Variants in KALRN observed in about 807,000 individuals in gnomAD.
KALRN encodes the protein kalirin RhoGEF kinase, also known as kalirin.
KALRN carries 70 observed loss-of-function variants against 353.7 expected under a neutral mutation model. That is an observed-to-expected ratio of 0.20 (90% CI 0.16 to 0.24). The LOEUF is 0.24. Ranked by LOEUF, KALRN falls within the 10% of genes least tolerant of loss-of-function variation. The pLI is 1.00. For synonymous variants in KALRN, 1,391 were observed against 1,434.8 expected, an observed-to-expected ratio of 0.97 and a Z score of 0.69; for missense variants, 2,791 against 3,756.7, an observed-to-expected ratio of 0.74 and a Z score of 6.72.
At chr3:124,524,962 A>G (rs2109058112) in intron 33 of KALRN, among the ~76,000 whole-genome samples, 1 of 152,342 alleles carries the variant, frequency 6.6e-6, no homozygotes, top group South Asian at 2.1e-4. Context: ...TCAGCCTCTG[A>G]CCACTCTTTT....
Position 124,719,462 on chromosome 3 carries a change from G to A in KALRN, c.8953G>A (p.Gly2985Arg). 6.2e-7 allele frequency: 1 copy of A among 1,612,170 alleles called. No homozygotes were observed. Among genetic ancestry groups the A allele is most frequent in the Non-Finnish European group, 8.5e-7 (1 of 1,178,720 alleles). Residue 2985 changes from glycine (G) to arginine (R), a missense_variant, in exon 60 of 60, where the codon GGG becomes AGG. Physicochemically the swap from Gly to Arg is moderately radical, Grantham distance 125. This residue lies in a region of KALRN where 32 missense variants were observed against 27.4 expected (regional missense o/e 1.17). Transcript: ENST00000682506. The surrounding 1 kb of genome is among the most constrained non-coding windows in gnomAD (Gnocchi z 5.3). ...CTACATTGTCAACCGGGTGAACCAA[G>A]GGACGTAGCCATCTCCCAGCCCCTA... is the stretch of plus-strand genomic sequence containing the variant. Reference protein sequence around the residue: ...KSYIVNRVNQGT With the variant: ...KSYIVNRVNQRT
intron 5 of KALRN, among the ~76,000 whole-genome samples, chr3:124,272,470 A>C (rs1055438245): frequency 6.6e-6 from 1 of 152,152 alleles, no homozygotes; most frequent in Non-Finnish European, 1.5e-5. Context: ...CAAATATATG[A>C]TCCCTGAATT....
At chr3:124,340,681 G>A (rs1452289372) in intron 9 of KALRN, among the ~76,000 whole-genome samples, 2 of 151,984 alleles carry the variant, frequency 1.3e-5, no homozygotes, top group East Asian at 1.9e-4. Context: ...CCAGCTGGGC[G>A]TGGTGGCTCA....
At chr3:124,241,641 T>G (rs1230599746) in intron 3 of KALRN, among the ~76,000 whole-genome samples, 1 of 152,222 alleles carries the variant, frequency 6.6e-6, no homozygotes, top group Non-Finnish European at 1.5e-5. Flanking sequence ...AGGTACACAG[T>G]AGATTCCATA....
At chr3:124,226,951 C>A (rs1230686825) in intron 1 of KALRN, among the ~76,000 whole-genome samples, 2 of 152,112 alleles carry the variant, frequency 1.3e-5, no homozygotes, top group Admixed American at 1.3e-4. Context: ...CTAATGGCGA[C>A]ACATAACAGA....
intron 10 of KALRN, among the ~76,000 whole-genome samples, chr3:124,369,537 T>C (rs572460300): frequency 1.3e-5 from 2 of 152,354 alleles, no homozygotes; most frequent in East Asian, 3.9e-4. Context: ...ATATATACAT[T>C]GAAGAATAAT....
At chr3:124,290,480 A>G (rs1034975775) in intron 5 of KALRN, among the ~76,000 whole-genome samples, 2 of 152,188 alleles carry the variant, frequency 1.3e-5, no homozygotes, top group Admixed American at 1.3e-4. Context: ...TAGGGGCAGA[A>G]CACACTTCTG....
intron 11 of KALRN, among the ~76,000 whole-genome samples, chr3:124,386,001 G>A (rs2088239885): frequency 6.6e-6 from 1 of 152,094 alleles, no homozygotes; most frequent in African/African-American, 2.4e-5. Context: ...TTAATATTGG[G>A]AATGCATTAA....
At chr3:124,574,220 G>A (rs758826033) in intron 34 of KALRN, among the ~76,000 whole-genome samples, 1 of 152,216 alleles carries the variant, frequency 6.6e-6, no homozygotes, top group Non-Finnish European at 1.5e-5. Context: ...GTCAGGGCAA[G>A]CCACATCCTT....
At chr3:124,435,441 A>AT (rs1299792698) in intron 17 of KALRN, among the ~76,000 whole-genome samples, 9 of 152,190 alleles carry the variant, frequency 5.9e-5, no homozygotes, top group Non-Finnish European at 1.2e-4. Context: ...GGCTAAGAGG[A>AT]TTTTTAAAAT....
At chr3:124,587,143 T>G (rs13065485) in intron 34 of KALRN, among the ~76,000 whole-genome samples, 44,300 of 152,028 alleles carry the variant, frequency 0.29, 7,088 homozygotes, top group Middle Eastern at 0.4. Context: ...TGCAGGGGAC[T>G]GACTGCCTCC....
intron 1 of KALRN, among the ~76,000 whole-genome samples, chr3:124,215,888 C>A (rs2077282445): frequency 6.6e-6 from 1 of 152,206 alleles, no homozygotes; most frequent in South Asian, 2.1e-4. Context: ...CAGGCTCCAG[C>A]AGATCTTGTT....
chr3:124,713,174 C>T (rs888620684), intron 58 of KALRN, 39 bp downstream of exon 58: 1 of 1,540,152 alleles, frequency 6.5e-7, no homozygotes, highest in Non-Finnish European at 8.9e-7. Flanking sequence ...CGCCTGCATC[C>T]ATTTAGGTTA....
At chr3:124,702,488 A>C (rs981411828) in intron 57 of KALRN, among the ~76,000 whole-genome samples, 38 of 152,150 alleles carry the variant, frequency 2.5e-4, no homozygotes, top group African/African-American at 8.2e-4. Flanking sequence ...AACATGTTTT[A>C]ATATATATGA....
intron 37 of KALRN, among the ~76,000 whole-genome samples, chr3:124,638,431 A>C (rs1561492080): frequency 6.6e-6 from 1 of 151,934 alleles, no homozygotes; most frequent in African/African-American, 2.4e-5. Flanking sequence ...TCCTACCAGC[A>C]GGAGTTAAGT....
At position 124,657,635 on chromosome 3, in the gene KALRN, G is replaced by A. The variant is rs2150178792; in HGVS notation, c.5966+84G>A. The A allele has an allele frequency of 2.2e-6, 3 of 1,358,722 alleles. No individual in the cohort carries two copies. In the East Asian group the frequency reaches 6.9e-5, roughly 31 times the overall value. 84.2% of individuals were successfully genotyped at this position (1,358,722 alleles called of 1,614,324 possible). Reference sequence around the variant, plus strand: ...CTTCCTGCATCTGACTCAAGGAGTAGGGCTTAGGGGAGAGTCTTCTGTAAT... The same window carrying A: ...CTTCCTGCATCTGACTCAAGGAGTAAGGCTTAGGGGAGAGTCTTCTGTAAT... On this transcript the variant is annotated intron_variant, in intron 40 of 59. Coordinates refer to ENST00000682506, the MANE Select transcript of KALRN (RefSeq NM_001388419.1).
intron 12 of KALRN, among the ~76,000 whole-genome samples, chr3:124,397,436 G>A (rs1310689141): frequency 6.6e-6 from 1 of 152,158 alleles, no homozygotes; most frequent in Non-Finnish European, 1.5e-5. Flanking sequence ...ACAAACACAG[G>A]CTAAAAGAAC....
At chr3:124,119,060 T>G (rs2063729232) in intron 1 of KALRN, among the ~76,000 whole-genome samples, 1 of 152,100 alleles carries the variant, frequency 6.6e-6, no homozygotes, top group African/African-American at 2.4e-5. Flanking sequence ...TTACAGAGAG[T>G]GTCTCTGGGA....
chr3:124,346,028 T>G (rs1179885745), intron 9 of KALRN, among the ~76,000 whole-genome samples: 1 of 152,208 alleles, frequency 6.6e-6, no homozygotes, highest in Non-Finnish European at 1.5e-5. Flanking sequence ...TAGTACATCA[T>G]TAATTAAATG....
Sources: allele counts gnomAD v4.1 joint callset (sites outside exome capture counted in the v4.1 genomes callset), GRCh38; gene constraint gnomAD v4.1.1; regional missense constraint gnomAD v4.1.1; non-coding constraint Gnocchi (gnomAD v3.1); transcripts MANE v1.5; gene names NCBI Gene and HGNC (gene_info 2026-07-23, HGNC 2026-07-21).